SLCO5A1: variants seen among roughly 807,000 people sequenced by gnomAD.
SLCO5A1 encodes organic anion transporter polypeptide-related protein 4.
Under a neutral mutation model 65.1 loss-of-function variants are expected in SLCO5A1, and 39 were observed. That is an observed-to-expected ratio of 0.60 (90% CI 0.46 to 0.78). The LOEUF (loss-of-function observed/expected upper bound fraction) is 0.78. SLCO5A1 is among the 30% of genes least tolerant of loss of function. The pLI, the probability that SLCO5A1 is intolerant of heterozygous loss-of-function variation, is 0.00. For synonymous variants in SLCO5A1, 438 were observed against 415.7 expected, an observed-to-expected ratio of 1.05 and a Z score of -0.65; for missense variants, 1,029 against 1,069.4, an observed-to-expected ratio of 0.96 and a Z score of 0.53.
rs1817048730 is a variant in SLCO5A1, at chr8:69,746,806, G to T, written c.1259-8602C>A. Among the ~76,000 whole-genome samples, 2 of 152,150 alleles carry T rather than the reference G, an allele frequency of 1.3e-5. 1 individual carries two copies. Among genetic ancestry groups the T allele is most frequent in the South Asian group, 4.1e-4 (2 of 4,826 alleles). ...AATGCTTTGACTTCTTAAAAAGCTT[G>T]CCAGCCAGCGAGAGACTGCCCTCCC... On this transcript the variant is annotated intron_variant, in intron 4 of 9. Transcript: ENST00000260126.
chr8:69,761,712 T>C, intron 3 of SLCO5A1, 31 bp downstream of exon 3: 2 of 1,604,872 alleles, frequency 1.2e-6, no homozygotes, highest in Non-Finnish European at 1.7e-6. Context: ...TAGTAAGAAC[T>C]GAAATTTAAA....
intron 4 of SLCO5A1, among the ~76,000 whole-genome samples, chr8:69,738,831 A>G (rs1330379870): frequency 6.6e-6 from 1 of 152,216 alleles, no homozygotes. Flanking sequence ...GGGGTTTAGC[A>G]CCTGCTGAGC....
intron 3 of SLCO5A1, 133 bp from the exon 4 acceptor site, chr8:69,755,774 GT>G (rs1817516561): frequency 1.4e-6 from 1 of 698,898 alleles, no homozygotes; most frequent in Admixed American, 3.0e-5. Flanking sequence ...GCAGTAGGAA[GT>G]TGAGCAAACT....
At chr8:69,823,550 G>C (rs1024124375) in intron 2 of SLCO5A1, among the ~76,000 whole-genome samples, 3 of 152,154 alleles carry the variant, frequency 2.0e-5, no homozygotes, top group African/African-American at 7.2e-5. Flanking sequence ...TAATGGTAAA[G>C]GGATCAATTC....
At chr8:69,807,205 T>C (rs971910688) in intron 2 of SLCO5A1, among the ~76,000 whole-genome samples, 8 of 152,224 alleles carry the variant, frequency 5.3e-5, no homozygotes, top group Non-Finnish European at 7.3e-5. Flanking sequence ...GGGGGTTTTT[T>C]ACATTTTATT....
chr8:69,681,459 G>A (rs924305557), intron 7 of SLCO5A1, among the ~76,000 whole-genome samples: 3 of 152,164 alleles, frequency 2.0e-5, no homozygotes, highest in Non-Finnish European at 2.9e-5. Flanking sequence ...CAGGCATGGT[G>A]GCACATGCCT....
Position 69,705,199 on chromosome 8 carries a change from C to T in SLCO5A1, c.1454G>A (p.Gly485Asp), listed in dbSNP as rs1814915822. 1 of 1,614,134 alleles carries T rather than the reference C, an allele frequency of 6.2e-7. No individual in the cohort carries two copies. The highest frequency in any genetic ancestry group is 1.3e-5 in the African/African-American group (1 of 75,022). ...GVIIVPSAGV[G>D]IVLGGYIIKK... ...TATAATGTAGCCTCCGAGGACAATA[C>T]CAACACCAGCACTGGGGACGATAAT... is the stretch of plus-strand genomic sequence containing the variant. The change falls in exon 6 of 10, where the codon GGT becomes GAT. Residue 485 changes from glycine to aspartate, a missense_variant. By Grantham distance (94) the Gly-to-Asp change is moderately conservative. This residue lies in a region of SLCO5A1 where 647 missense variants were observed against 647.5 expected (regional missense o/e 1.00). Transcript: ENST00000260126.
intron 2 of SLCO5A1, among the ~76,000 whole-genome samples, chr8:69,817,304 T>C (rs1290330520): frequency 2.0e-5 from 3 of 152,240 alleles, no homozygotes; most frequent in African/African-American, 7.2e-5. Context: ...GGCTAATTCA[T>C]GTTGTGTGTC....
intron 2 of SLCO5A1, among the ~76,000 whole-genome samples, chr8:69,820,863 C>T (rs1820604816): frequency 6.6e-6 from 1 of 152,012 alleles, no homozygotes; most frequent in African/African-American, 2.4e-5. Flanking sequence ...TGGAATCCCA[C>T]CTGGTCTTCA....
At chr8:69,815,006 T>G (rs2130914392) in intron 2 of SLCO5A1, among the ~76,000 whole-genome samples, 1 of 152,098 alleles carries the variant, frequency 6.6e-6, no homozygotes, top group East Asian at 1.9e-4. Context: ...GTTACAGAGG[T>G]TGCGGGATGG....
intron 2 of SLCO5A1, among the ~76,000 whole-genome samples, chr8:69,778,735 T>C (rs1818681226): frequency 6.6e-6 from 1 of 152,212 alleles, no homozygotes; most frequent in Non-Finnish European, 1.5e-5. Context: ...TTTTTTACCT[T>C]GAAGAAGGCC....
At chr8:69,717,641 G>A (rs1012653636) in intron 5 of SLCO5A1, among the ~76,000 whole-genome samples, 6 of 152,128 alleles carry the variant, frequency 3.9e-5, no homozygotes, top group Non-Finnish European at 8.8e-5. Flanking sequence ...AAGCCAGTTG[G>A]AATTTTGATG....
At chr8:69,714,218 TC>T (rs1815409748) in intron 5 of SLCO5A1, among the ~76,000 whole-genome samples, 1 of 151,642 alleles carries the variant, frequency 6.6e-6, no homozygotes, top group Non-Finnish European at 1.5e-5. Flanking sequence ...GGTACCTTTT[TC>T]TTTGAACTCA....
chr8:69,682,341 G>A lies in SLCO5A1; in HGVS notation c.1625C>T (p.Pro542Leu), dbSNP rs759310009. 34 of 1,570,218 alleles carry A rather than the reference G, an allele frequency of 2.2e-5. No homozygotes were observed. Among genetic ancestry groups the A allele is most frequent in the Non-Finnish European group, 2.8e-5 (32 of 1,161,596 alleles). The stretch of plus-strand genomic sequence containing the variant: ...ATTCCTATGGGGCATGGTGAGAGAA[G>A]GTCTAAGAGAGAAGAGAAGCAGATC... ...GGINIPYTTG[P>L]SLTMPHRNLT... Residue 542 changes from proline (P) to leucine (L), a missense_variant and splice_region_variant, in exon 7 of 10, where the codon CCT becomes CTT. Physicochemically the swap from Pro to Leu is moderately conservative, Grantham distance 98 (BLOSUM62 -3). Around this residue, in one of 3 missense-constraint regions of SLCO5A1, gnomAD observed 124 missense variants for 184.5 expected, o/e 0.67. Coordinates refer to ENST00000260126, the MANE Select transcript of SLCO5A1 (RefSeq NM_030958.3).
chr8:69,699,712 G>T (rs1814644371), intron 6 of SLCO5A1, among the ~76,000 whole-genome samples: 1 of 152,146 alleles, frequency 6.6e-6, no homozygotes, highest in African/African-American at 2.4e-5. Context: ...GACAAATTAG[G>T]AAAGAAAAGG....
rs140147912 is a variant in SLCO5A1 at position 69,679,616 on chromosome 8, G to A, written c.1786C>T (p.Arg596Trp). ...VNSGNLSTGIRNYTECTCVQS... is the reference protein window; with the variant it reads ...VNSGNLSTGIWNYTECTCVQS... The stretch of plus-strand genomic sequence containing the variant: ...ACACAGGTGCATTCTGTATAATTCC[G>A]TATCTAAGTGAGCAAAATAAAGATG... The change falls in exon 8 of 10, where the codon CGG becomes TGG. Residue 596 changes from arginine to tryptophan, a missense_variant. This residue lies in a region of SLCO5A1 where 124 missense variants were observed against 184.5 expected (regional missense o/e 0.67). Coordinates refer to ENST00000260126, the MANE Select transcript of SLCO5A1 (RefSeq NM_030958.3). 47 of 1,613,012 alleles carry A rather than the reference G, an allele frequency of 2.9e-5. No individual in the cohort carries two copies. The Admixed American group carries it at 3.2e-4, about 11-fold the overall frequency.
chr8:69,691,149 A>G (rs1814243196), intron 6 of SLCO5A1, among the ~76,000 whole-genome samples: 1 of 152,208 alleles, frequency 6.6e-6, no homozygotes. Flanking sequence ...ACACACCTGT[A>G]TGAAGTACAG....
At position 69,688,334 on chromosome 8, in the gene SLCO5A1, T is replaced by A. The variant is rs548624087; in HGVS notation, c.1623-5991A>T. Among the ~76,000 whole-genome samples the A allele has an allele frequency of 2.6e-3, 294 of 112,176 alleles. 1 individual carries two copies. The highest frequency in any genetic ancestry group is 0.013 in the African/African-American group (280 of 21,848). The allele number at this position is 112,176 out of a possible 152,430, so 73.6% of individuals were successfully genotyped here. On this transcript the variant is annotated intron_variant, in intron 6 of 9. Coordinates refer to ENST00000260126, the MANE Select transcript of SLCO5A1 (RefSeq NM_030958.3). Reference sequence around the variant, plus strand: ...AAATGATTTTGAATGGTGCTAAAATTTTTTTTTTATTATTATTATACTTTA... The same window carrying A: ...AAATGATTTTGAATGGTGCTAAAATATTTTTTTTATTATTATTATACTTTA...
chr8:69,774,561 C>T (rs568485581), intron 2 of SLCO5A1, among the ~76,000 whole-genome samples: 4 of 152,308 alleles, frequency 2.6e-5, no homozygotes, highest in African/African-American at 9.6e-5. Context: ...ATATTCCCTC[C>T]GGTGTGTAAC....
Sources: allele counts gnomAD v4.1 joint callset (sites outside exome capture counted in the v4.1 genomes callset), GRCh38; gene constraint gnomAD v4.1.1; regional missense constraint gnomAD v4.1.1; transcripts MANE v1.5; gene names NCBI Gene and HGNC (gene_info 2026-07-23, HGNC 2026-07-21).